Variants in TMPRSS6 observed in about 807,000 individuals in gnomAD.
The protein encoded by TMPRSS6 is transmembrane serine protease 6.
TMPRSS6 carries 67 observed loss-of-function variants against 101.5 expected under a neutral mutation model. The ratio of observed to expected loss-of-function variants is 0.66; its 90% CI spans 0.54 to 0.81. The LOEUF (loss-of-function observed/expected upper bound fraction) is 0.81. TMPRSS6 is among the 30% of genes least tolerant of loss of function. The pLI is 0.00. For missense variants in TMPRSS6, 1,034 were observed against 1,088.7 expected, an observed-to-expected ratio of 0.95 and a Z score of 0.71; for synonymous variants, 453 against 464.9, an observed-to-expected ratio of 0.97 and a Z score of 0.33.
In TMPRSS6 at chr22:37,066,142, A is replaced by G. The variant is rs764514331; in HGVS notation, c.2347T>C (p.Tyr783His). The G allele has an allele frequency of 4.3e-6, 7 of 1,613,236 alleles. No individual in the cohort carries two copies. In the African/African-American group the frequency reaches 6.7e-5, roughly 15 times the overall value. The change falls in exon 18 of 18, where the codon TAC (tyrosine) becomes CAC (histidine). Residue 783 changes from tyrosine to histidine, a missense_variant. Physicochemically the swap from Tyr to His is moderately conservative, Grantham distance 83. Transcript: ENST00000676104. ...GTGATGCGGGTGTAGACGCCGAAGTAGTTAGGCCGGCCACAGCCCAGGCCC... is the reference window on the plus strand; with the variant it reads ...GTGATGCGGGTGTAGACGCCGAAGTGGTTAGGCCGGCCACAGCCCAGGCCC... Reference protein sequence around the residue: ...SWGLGCGRPNYFGVYTRITGV... With the variant: ...SWGLGCGRPNHFGVYTRITGV...
In TMPRSS6 at chr22:37,086,367, C is replaced by A; in HGVS notation, c.889G>T (p.Ala297Ser). ...EPVVEVLASG[A>S]IMAVVWKKGL... ...TTCTTCCAGACGACCGCCATGATGG[C>A]CCCCGACGCCAGAACCTCCACCACG... The change falls in exon 8 of 18, where the codon GCC becomes TCC. Residue 297 changes from alanine to serine, a missense_variant. By Grantham distance (99) the Ala-to-Ser change is moderately conservative (BLOSUM62 1). Coordinates refer to ENST00000676104, the MANE Select transcript of TMPRSS6 (RefSeq NM_001374504.1). The A allele has an allele frequency of 6.2e-7, 1 of 1,611,454 alleles. No homozygotes were observed. Among genetic ancestry groups the A allele is most frequent in the Non-Finnish European group, 8.5e-7 (1 of 1,178,848 alleles).
intron 6 of TMPRSS6, among the ~76,000 whole-genome samples, chr22:37,094,675 G>T (rs894067829): frequency 2.6e-5 from 4 of 152,204 alleles, no homozygotes; most frequent in Non-Finnish European, 5.9e-5. Context: ...TGAGAATCAT[G>T]ATTTCACCTC....
chr22:37,069,201 A>AGC lies in TMPRSS6; in HGVS notation c.1983_1984dup (p.Leu662ArgfsTer58), dbSNP rs1276605490. 1.1e-5 allele frequency: 18 copies of AGC among 1,604,024 alleles called. No homozygotes were observed. The highest frequency in any genetic ancestry group is 1.4e-5 in the Non-Finnish European group (17 of 1,176,154). ...CACCACCGGGTGGTCGAGCTGCAGC[A>AGC]GCGCCACGTCGTAGTCATGGCTGTC... On this transcript the variant is annotated frameshift_variant, in exon 16 of 18. Coordinates refer to ENST00000676104, the MANE Select transcript of TMPRSS6 (RefSeq NM_001374504.1). LOFTEE classifies it high-confidence loss of function. The surrounding 1 kb of genome is among the most constrained non-coding windows in gnomAD (Gnocchi z 4.8).
At chr22:37,102,985 T>G (rs1177666142) in intron 2 of TMPRSS6, among the ~76,000 whole-genome samples, 1 of 151,922 alleles carries the variant, frequency 6.6e-6, no homozygotes, top group African/African-American at 2.4e-5. Flanking sequence ...TGGGGCACTT[T>G]GCCCAAGCAG....
intron 1 of TMPRSS6, among the ~76,000 whole-genome samples, chr22:37,106,256 A>G (rs1930707555): frequency 6.6e-6 from 1 of 151,934 alleles, no homozygotes; most frequent in Non-Finnish European, 1.5e-5. Context: ...TGACGCCCTG[A>G]TCACTGAGCC....
At chr22:37,074,583 G>A (rs183182083) in intron 12 of TMPRSS6, 27 bp downstream of exon 12, 139 of 1,604,636 alleles carry the variant, frequency 8.7e-5, no homozygotes, top group South Asian at 3.9e-4. Flanking sequence ...GGCAGGGAGA[G>A]GAGGGATGCG....
chr22:37,102,728 G>C (rs1930430709), intron 2 of TMPRSS6, among the ~76,000 whole-genome samples: 1 of 152,066 alleles, frequency 6.6e-6, no homozygotes, highest in Non-Finnish European at 1.5e-5. Flanking sequence ...ACCCAGAGGG[G>C]ATAGAGCTGT....
At chr22:37,104,433 T>G (rs1342539237) in intron 1 of TMPRSS6, among the ~76,000 whole-genome samples, 1 of 152,188 alleles carries the variant, frequency 6.6e-6, no homozygotes, top group Admixed American at 6.5e-5. Flanking sequence ...AATGAGCTGT[T>G]AATTAACAAA....
rs1926602728 is a variant in TMPRSS6, at chr22:37,069,048, C to G, written c.2113+25G>C. On this transcript the variant is annotated intron_variant, in intron 16 of 17. Transcript: ENST00000676104. The surrounding 1 kb of genome is among the most constrained non-coding windows in gnomAD (Gnocchi z 4.8). ...AGATCCGCACGGTCTCCCTCCGCCT[C>G]CCGCCGCAAGTCCCCGCTGCTCACC... 1 of 1,535,398 alleles carries G rather than the reference C, an allele frequency of 6.5e-7. No individual in the cohort carries two copies. The highest frequency in any genetic ancestry group is 8.7e-7 in the Non-Finnish European group (1 of 1,146,848).
At chr22:37,067,897 C>CCCAAGGCCATGT (rs1926484102) in intron 16 of TMPRSS6, among the ~76,000 whole-genome samples, 1 of 54,316 alleles carries the variant, frequency 1.8e-5, no homozygotes, top group Non-Finnish European at 3.5e-5. Context: ...CCCAGGCACG[C>CCCAAGGCCATGT]CTGCCCCCCA....
At chr22:37,068,473 G>C (rs1234363077) in intron 16 of TMPRSS6, 1 of 643,988 alleles carries the variant, frequency 1.6e-6, no homozygotes, top group Admixed American at 2.5e-5. Flanking sequence ...ACTGTGCGGT[G>C]GCCGCCAGGG....
chr22:37,084,928 A>G (rs1280990827), intron 8 of TMPRSS6, 89 bp from the exon 9 acceptor site: 2 of 934,102 alleles, frequency 2.1e-6, no homozygotes, highest in African/African-American at 3.3e-5. Flanking sequence ...CACCCCTACC[A>G]CCTCTGCCAG....
At chr22:37,104,532 T>A (rs1273720920) in intron 1 of TMPRSS6, among the ~76,000 whole-genome samples, 1 of 152,190 alleles carries the variant, frequency 6.6e-6, no homozygotes, top group South Asian at 2.1e-4. Context: ...AACATCCCAA[T>A]GTATTTGGCC....
At chr22:37,095,259 G>A (rs1056812305) in intron 6 of TMPRSS6, among the ~76,000 whole-genome samples, 3 of 152,166 alleles carry the variant, frequency 2.0e-5, no homozygotes, top group South Asian at 2.1e-4. Flanking sequence ...GGAGAGTCAC[G>A]TTCGTGGACC....
chr22:37,096,363 A>G (rs527840911), intron 4 of TMPRSS6, among the ~76,000 whole-genome samples: 1 of 152,176 alleles, frequency 6.6e-6, no homozygotes, highest in South Asian at 2.1e-4. Context: ...CCTGGAGCCA[A>G]TGCTTTTAAC....
At position 37,065,748 on chromosome 22, in the gene TMPRSS6, G is replaced by A. The variant is rs1234404804; in HGVS notation, c.*332C>T. The A allele has an allele frequency of 4.6e-5, 18 of 392,664 alleles. No homozygotes were observed. The highest frequency in any genetic ancestry group is 7.5e-5 in the South Asian group (3 of 40,140). The allele number at this position is 392,664 out of a possible 1,614,324, so 24.3% of individuals were successfully genotyped here. A position where few individuals can be genotyped will look rare whatever the true frequency, so the allele number is the denominator to read the frequency against. ...GTGGGGCGCACCTCAGACACTCCTC[G>A]GGATGTAGAACCAGCATTCTTGCTG... is the stretch of plus-strand genomic sequence containing the variant. On this transcript the variant is annotated 3_prime_UTR_variant, in exon 18 of 18. Coordinates refer to ENST00000676104, the MANE Select transcript of TMPRSS6 (RefSeq NM_001374504.1).
intron 2 of TMPRSS6, among the ~76,000 whole-genome samples, chr22:37,102,965 T>C (rs1930449765): frequency 6.6e-6 from 1 of 151,726 alleles, no homozygotes; most frequent in Non-Finnish European, 1.5e-5. Flanking sequence ...CCCCACCTGG[T>C]GGGGAGCTTT....
intron 7 of TMPRSS6, among the ~76,000 whole-genome samples, chr22:37,088,417 T>G (rs906932736): frequency 5.3e-5 from 8 of 152,130 alleles, no homozygotes; most frequent in Non-Finnish European, 1.0e-4. Context: ...ACAGCCCAAG[T>G]GAGACAGAAG....
intron 8 of TMPRSS6, 35 bp downstream of exon 8, chr22:37,086,248 C>T: frequency 6.2e-7 from 1 of 1,613,914 alleles, no homozygotes. Flanking sequence ...TCTACCACCA[C>T]CCCTCCCCTG....
Sources: gnomAD v4.1 joint callset for allele counts (sites outside exome capture counted in the v4.1 genomes callset) on GRCh38, gnomAD v4.1.1 for gene constraint, Gnocchi (gnomAD v3.1) non-coding constraint, MANE v1.5 for transcripts, NCBI Gene and HGNC (gene_info 2026-07-23, HGNC 2026-07-21) for gene names.